PDE7B: variants seen among roughly 807,000 people sequenced by gnomAD.
The protein encoded by PDE7B is 3',5'-cyclic-AMP phosphodiesterase 7B.
PDE7B carries 29 observed loss-of-function variants against 56.2 expected under a neutral mutation model. That is an observed-to-expected ratio of 0.52 (90% CI 0.38 to 0.70). The LOEUF (loss-of-function observed/expected upper bound fraction) is 0.70, where lower values mean the gene tolerates loss of function less well. Ranked by LOEUF, PDE7B falls within the 30% of genes least tolerant of loss-of-function variation. PDE7B has a pLI of 0.00. For missense variants in PDE7B, 490 were observed against 565.0 expected, an observed-to-expected ratio of 0.87 and a Z score of 1.35; for synonymous variants, 197 against 196.9, an observed-to-expected ratio of 1.00 and a Z score of 0.00.
intron 2 of PDE7B, among the ~76,000 whole-genome samples, chr6:135,993,527 T>C (rs554327796): frequency 1.6e-4 from 25 of 152,264 alleles, no homozygotes; most frequent in African/African-American, 5.1e-4. Context: ...AAGACTGTTA[T>C]AAGCTGGCAC....
chr6:136,049,651 T>G (rs1776590269), intron 2 of PDE7B, among the ~76,000 whole-genome samples: 1 of 152,080 alleles, frequency 6.6e-6, no homozygotes, highest in East Asian at 1.9e-4. Flanking sequence ...GGTTAAGATC[T>G]CAACAAGATG....
intron 2 of PDE7B, among the ~76,000 whole-genome samples, chr6:136,107,532 T>A (rs762928788): frequency 1.3e-5 from 2 of 152,206 alleles, no homozygotes; most frequent in East Asian, 1.9e-4. Context: ...ATATGCATGA[T>A]CCCTGCTTTG....
intron 1 of PDE7B, among the ~76,000 whole-genome samples, chr6:135,884,658 T>G (rs1258378745): frequency 1.3e-5 from 2 of 152,212 alleles, no homozygotes; most frequent in Non-Finnish European, 2.9e-5. Flanking sequence ...TAGAACTCTC[T>G]TCTCTTGTTC....
chr6:136,136,758 GA>G lies in PDE7B; in HGVS notation c.167-10580del, dbSNP rs113988168. ...AAGAAGTGAAAATAAAATAAATAAT[GA>G]AAAAAAAAAAAAGCAAAGGACAGTG... is the stretch of plus-strand genomic sequence containing the variant. On this transcript the variant is annotated intron_variant, in intron 3 of 12. Coordinates refer to ENST00000308191, the MANE Select transcript of PDE7B (RefSeq NM_018945.4). 9.7e-3 allele frequency among the ~76,000 whole-genome samples: 1,233 copies of G among 127,062 alleles called. 12 individuals are homozygous for G. Among genetic ancestry groups the G allele is most frequent in the African/African-American group, 0.026 (949 of 35,870 alleles). 83.4% of individuals were successfully genotyped at this position (127,062 alleles called of 152,430 possible).
At chr6:136,151,641 AAAGT>A (rs752786210) in intron 6 of PDE7B, among the ~76,000 whole-genome samples, 15 of 138,840 alleles carry the variant, frequency 1.1e-4, no homozygotes, top group Non-Finnish European at 2.0e-4. Flanking sequence ...TTCTTATAAT[AAAGT>A]AAGATAGAGA....
chr6:135,939,892 G>C (rs150437614), intron 1 of PDE7B, among the ~76,000 whole-genome samples: 1 of 152,102 alleles, frequency 6.6e-6, no homozygotes, highest in Non-Finnish European at 1.5e-5. Context: ...GATGGCAGCC[G>C]GTATCACTGG....
intron 2 of PDE7B, among the ~76,000 whole-genome samples, chr6:135,964,265 G>A (rs367749780): frequency 3.9e-4 from 60 of 151,952 alleles, no homozygotes; most frequent in African/African-American, 9.6e-4. Context: ...CACCACACCC[G>A]GCTAATTTTT....
intron 8 of PDE7B, among the ~76,000 whole-genome samples, chr6:136,172,528 A>G (rs899029180): frequency 1.3e-5 from 2 of 151,856 alleles, no homozygotes; most frequent in East Asian, 3.9e-4. Context: ...TAGATTCTGG[A>G]TATTAGCCCT....
chr6:135,861,876 A>G (rs900703648), intron 1 of PDE7B, among the ~76,000 whole-genome samples: 16 of 151,948 alleles, frequency 1.1e-4, no homozygotes, highest in African/African-American at 3.1e-4. Context: ...TAGTATTTTG[A>G]TGGTATTCCA....
At chr6:136,051,494 A>C (rs927690856) in intron 2 of PDE7B, among the ~76,000 whole-genome samples, 1 of 152,240 alleles carries the variant, frequency 6.6e-6, no homozygotes, top group African/African-American at 2.4e-5. Context: ...TGCAAGAAGC[A>C]TATCCTGAAA....
At chr6:135,945,413 T>A (rs1774578946) in intron 1 of PDE7B, among the ~76,000 whole-genome samples, 1 of 152,136 alleles carries the variant, frequency 6.6e-6, no homozygotes, top group African/African-American at 2.4e-5. Context: ...ACCTCCTTCC[T>A]CCATGGTCCA....
chr6:136,137,850 A>C (rs1417909109), intron 3 of PDE7B, among the ~76,000 whole-genome samples: 1 of 152,152 alleles, frequency 6.6e-6, no homozygotes, highest in Non-Finnish European at 1.5e-5. Context: ...TATTCCTAAA[A>C]TTAGCACCAA....
At chr6:135,863,714 T>C (rs1467122691) in intron 1 of PDE7B, among the ~76,000 whole-genome samples, 4 of 151,596 alleles carry the variant, frequency 2.6e-5, no homozygotes, top group Non-Finnish European at 4.4e-5. Context: ...TTTTTTGCCT[T>C]CAATTCTCCT....
At chr6:135,956,731 G>T (rs560901673) in intron 2 of PDE7B, among the ~76,000 whole-genome samples, 22 of 151,912 alleles carry the variant, frequency 1.4e-4, no homozygotes, top group African/African-American at 5.1e-4. Flanking sequence ...AGTGAACCAT[G>T]ATGGCACCAC....
At chr6:136,063,322 C>T (rs891643781) in intron 2 of PDE7B, among the ~76,000 whole-genome samples, 4 of 152,182 alleles carry the variant, frequency 2.6e-5, no homozygotes, top group African/African-American at 9.6e-5. Context: ...CCCTTAGATA[C>T]ATACCATTTT....
chr6:136,045,515 AAC>A (rs1182830994), intron 2 of PDE7B, among the ~76,000 whole-genome samples: 2 of 152,192 alleles, frequency 1.3e-5, no homozygotes, highest in Non-Finnish European at 2.9e-5. Flanking sequence ...CATCTGCTGT[AAC>A]ACAAATGCTG....
intron 1 of PDE7B, among the ~76,000 whole-genome samples, chr6:135,909,942 T>C (rs972707011): frequency 1.3e-5 from 2 of 152,196 alleles, no homozygotes; most frequent in Non-Finnish European, 2.9e-5. Flanking sequence ...TCCAGCACTA[T>C]GAGCCAGCTA....
At chr6:135,869,116 T>C (rs937329532) in intron 1 of PDE7B, among the ~76,000 whole-genome samples, 1 of 152,176 alleles carries the variant, frequency 6.6e-6, no homozygotes, top group African/African-American at 2.4e-5. Flanking sequence ...AGATGACTGG[T>C]ATATGATGTT....
chr6:136,141,672 ACTT>A (rs1398274641), intron 3 of PDE7B, among the ~76,000 whole-genome samples: 1 of 152,012 alleles, frequency 6.6e-6, no homozygotes, highest in African/African-American at 2.4e-5. Context: ...CAGAGATTCA[ACTT>A]CTTCCTGGTT....
Sources: allele counts gnomAD v4.1 joint callset (sites outside exome capture counted in the v4.1 genomes callset), GRCh38; gene constraint gnomAD v4.1.1; transcripts MANE v1.5; gene names NCBI Gene and HGNC (gene_info 2026-07-23, HGNC 2026-07-21).